TRAK1: variants seen among roughly 807,000 people sequenced by gnomAD.
TRAK1 encodes trafficking kinesin-binding protein 1.
TRAK1 carries 33 observed loss-of-function variants against 92.1 expected under a neutral mutation model. That is an observed-to-expected ratio of 0.36 (90% CI 0.27 to 0.48). TRAK1 has a LOEUF of 0.48. Among genes scored for constraint, TRAK1 ranks in the 20% least tolerant of loss-of-function variants. The pLI, the probability that TRAK1 is intolerant of heterozygous loss-of-function variation, is 0.99. For missense variants in TRAK1, 1,123 were observed against 1,257.9 expected, an observed-to-expected ratio of 0.89 and a Z score of 1.62; for synonymous variants, 521 against 517.3, an observed-to-expected ratio of 1.01 and a Z score of -0.10.
upstream of TRAK1, among the ~76,000 whole-genome samples, chr3:42,089,748 C>A (rs1385180634): frequency 1.4e-5 from 2 of 147,506 alleles, no homozygotes. Context: ...TTCCCCCAAA[C>A]TTAACCATCT....
In TRAK1 at chr3:42,021,530, G is replaced by A. The variant is rs890474987; in HGVS notation, c.-519+7413G>A. Among the ~76,000 whole-genome samples, 10 of 152,302 alleles carry A rather than the reference G, an allele frequency of 6.6e-5. No homozygotes were observed. The East Asian group carries it at 1.7e-3, about 26-fold the overall frequency. On this transcript the variant is annotated intron_variant, in intron 1 of 16. Transcript: ENST00000487159. Reference sequence around the variant, plus strand: ...AGGTGTGTTGAACCCAGCAACTCCTGTTTATGACAGGCAGCTTCGGAATCA... The same window carrying A: ...AGGTGTGTTGAACCCAGCAACTCCTATTTATGACAGGCAGCTTCGGAATCA...
chr3:42,151,940 C>A (rs147917268), intron 2 of TRAK1, among the ~76,000 whole-genome samples: 1 of 152,160 alleles, frequency 6.6e-6, no homozygotes, highest in African/African-American at 2.4e-5. Context: ...AAAAAAGATG[C>A]AGAATCATCA....
In TRAK1 at chr3:42,193,116, G is replaced by A. The variant is rs1363539764; in HGVS notation, c.811G>A (p.Ala271Thr). The A allele has an allele frequency of 4.3e-6, 7 of 1,614,042 alleles. No homozygotes were observed. The highest frequency in any genetic ancestry group is 5.9e-6 in the Non-Finnish European group (7 of 1,180,014). Residue 271 changes from alanine (A) to threonine (T), a missense_variant, in exon 8 of 16, where the codon GCC becomes ACC. Ala to Thr is a moderately conservative substitution (Grantham distance 58, BLOSUM62 0). Around this residue, in one of 3 missense-constraint regions of TRAK1, gnomAD observed 686 missense variants for 747.6 expected, o/e 0.92. Transcript: ENST00000327628. ...VQIASISEEL[A>T]KKTEDAARQQ... The stretch of plus-strand genomic sequence containing the variant: ...GATTGCTAGTATCTCAGAGGAACTG[G>A]CCAAGAAGACGGAAGATGCTGCCCG...
chr3:42,197,000 TCTCACACACACACACA>T (rs1319220721), intron 10 of TRAK1, among the ~76,000 whole-genome samples: 45 of 131,166 alleles, frequency 3.4e-4, no homozygotes, highest in East Asian at 1.4e-3. Context: ...TCTCTCTCTC[TCTCACACACACACACA>T]CACACACACA....
chr3:42,203,248 G>A (rs1398257359), intron 13 of TRAK1: 2 of 1,035,970 alleles, frequency 1.9e-6, no homozygotes, highest in African/African-American at 3.4e-5. Flanking sequence ...GGGCTTATGT[G>A]TTCTGATTTG....
chr3:42,209,711 C>A, intron 13 of TRAK1, 56 bp from the exon 14 acceptor site: 1 of 1,544,716 alleles, frequency 6.5e-7, no homozygotes, highest in Non-Finnish European at 8.9e-7. Context: ...CTTGGACTTC[C>A]ATCCTAACCC....
intron 2 of TRAK1, chr3:42,145,864 G>A (rs1276929294): frequency 2.0e-5 from 5 of 251,054 alleles, no homozygotes; most frequent in Non-Finnish European, 3.9e-5. Flanking sequence ...CCTTTTCCCA[G>A]TAGGGACAAC....
intron 1 of TRAK1, among the ~76,000 whole-genome samples, chr3:42,057,970 C>G (rs1703266525): frequency 6.6e-6 from 1 of 152,210 alleles, no homozygotes; most frequent in African/African-American, 2.4e-5. Flanking sequence ...CAGTGAGCTT[C>G]CTTGTAAAGC....
At chr3:42,069,244 C>T (rs889478010) in intron 1 of TRAK1, among the ~76,000 whole-genome samples, 1 of 150,454 alleles carries the variant, frequency 6.6e-6, no homozygotes, top group Non-Finnish European at 1.5e-5. Flanking sequence ...TTGCTTTAGC[C>T]CGGGAGGTCA....
At chr3:42,114,710 A>G (rs1250483555) in intron 1 of TRAK1, among the ~76,000 whole-genome samples, 1 of 151,906 alleles carries the variant, frequency 6.6e-6, no homozygotes, top group Non-Finnish European at 1.5e-5. Flanking sequence ...TAACATACTT[A>G]ATTTTTTTTT....
At chr3:42,114,819 T>C (rs1708959425) in intron 1 of TRAK1, among the ~76,000 whole-genome samples, 1 of 152,096 alleles carries the variant, frequency 6.6e-6, no homozygotes, top group Non-Finnish European at 1.5e-5. Flanking sequence ...TTCAAGCGAT[T>C]TTCATACCTC....
chr3:42,031,033 ATTT>A (rs569209653), intron 1 of TRAK1, among the ~76,000 whole-genome samples: 11 of 95,390 alleles, frequency 1.2e-4, no homozygotes, highest in Admixed American at 2.3e-4. Context: ...AGCTATTTGA[ATTT>A]TTTTTTTTTT....
chr3:42,022,386 A>T (rs1239146674), intron 1 of TRAK1, among the ~76,000 whole-genome samples: 2 of 152,202 alleles, frequency 1.3e-5, no homozygotes, highest in African/African-American at 4.8e-5. Flanking sequence ...GCTGCAGTAG[A>T]TGTTTTATAC....
intron 2 of TRAK1, among the ~76,000 whole-genome samples, chr3:42,139,547 A>G (rs1874756): frequency 0.51 from 77,348 of 151,908 alleles, 19,904 homozygotes; most frequent in South Asian, 0.65. Context: ...CACAGTGTCT[A>G]GTGAGCACTG....
chr3:42,174,461 G>A (rs1206922934), intron 2 of TRAK1, among the ~76,000 whole-genome samples: 1 of 151,946 alleles, frequency 6.6e-6, no homozygotes, highest in African/African-American at 2.4e-5. Context: ...ACCATTGGGG[G>A]AACTGGATAA....
At chr3:42,111,833 T>C (rs1387719565) in intron 1 of TRAK1, among the ~76,000 whole-genome samples, 1 of 152,174 alleles carries the variant, frequency 6.6e-6, no homozygotes, top group East Asian at 1.9e-4. Flanking sequence ...ATGACAAAAT[T>C]TGATGCCTTA....
intron 3 of TRAK1, among the ~76,000 whole-genome samples, chr3:42,178,356 G>A (rs534372373): frequency 6.6e-6 from 1 of 152,164 alleles, no homozygotes; most frequent in Admixed American, 6.5e-5. Context: ...TCAAGGTCCT[G>A]AACCCTCCTC....
At chr3:42,167,965 G>A (rs1423350392) in intron 2 of TRAK1, among the ~76,000 whole-genome samples, 1 of 152,238 alleles carries the variant, frequency 6.6e-6, no homozygotes, top group African/African-American at 2.4e-5. Flanking sequence ...ATTTGGTCAA[G>A]TCTAAATTAC....
chr3:42,160,502 T>G (rs755297086), intron 2 of TRAK1: 4 of 1,610,348 alleles, frequency 2.5e-6, no homozygotes, highest in South Asian at 1.1e-5. Flanking sequence ...TCAGATTTGA[T>G]CCTTTCCTTG....
Sources: gnomAD v4.1 joint callset for allele counts (sites outside exome capture counted in the v4.1 genomes callset) on GRCh38, gnomAD v4.1.1 for gene constraint, gnomAD v4.1.1 regional missense constraint, MANE v1.5 for transcripts, NCBI Gene and HGNC (gene_info 2026-07-23, HGNC 2026-07-21) for gene names.